Variants in TMEM132D observed in about 807,000 individuals in gnomAD.
TMEM132D encodes the protein mature OL transmembrane protein.
TMEM132D carries 21 observed loss-of-function variants against 62.3 expected under a neutral mutation model. The ratio of observed to expected loss-of-function variants is 0.34; its 90% CI spans 0.24 to 0.49. The LOEUF (loss-of-function observed/expected upper bound fraction) is 0.49, where lower values mean the gene tolerates loss of function less well. TMEM132D is among the 20% of genes least tolerant of loss of function. The probability of loss-of-function intolerance (pLI) is 0.99; values close to 1 mark genes in which losing one functional copy is unlikely to be tolerated. For missense variants in TMEM132D, 1,346 were observed against 1,402.8 expected (o/e 0.96, Z 0.65); for synonymous variants, 621 against 575.6 (o/e 1.08, Z -1.13).
intron 4 of TMEM132D, among the ~76,000 whole-genome samples, chr12:129,271,735 T>C (rs759126649): frequency 1.3e-5 from 2 of 151,952 alleles, no homozygotes; most frequent in Non-Finnish European, 2.9e-5. Context: ...GCAAAGGACA[T>C]GAACTCATCC....
At chr12:129,370,388 G>A (rs948011742) in intron 3 of TMEM132D, among the ~76,000 whole-genome samples, 1 of 152,186 alleles carries the variant, frequency 6.6e-6, no homozygotes, top group Non-Finnish European at 1.5e-5. Flanking sequence ...GTGAATGAAT[G>A]AATTGCTCCT....
At chr12:129,896,140 TTTTTGTTTTG>T (rs141229938) in intron 1 of TMEM132D, among the ~76,000 whole-genome samples, 1 of 150,516 alleles carries the variant, frequency 6.6e-6, no homozygotes, top group African/African-American at 2.5e-5. Context: ...TGGCTCATTT[TTTTTGTTTTG>T]TTTTGTTTTG....
chr12:129,450,750 CTTTTTTTT>C (rs869041495), intron 3 of TMEM132D, among the ~76,000 whole-genome samples: 12 of 102,584 alleles, frequency 1.2e-4, no homozygotes, highest in East Asian at 3.3e-4. Context: ...TCCATCGCTT[CTTTTTTTT>C]TTTTTTTTTT....
chr12:129,655,738 G>T (rs1317708795), intron 2 of TMEM132D, among the ~76,000 whole-genome samples: 1 of 152,076 alleles, frequency 6.6e-6, no homozygotes, highest in African/African-American at 2.4e-5. Flanking sequence ...CTGCAAATGA[G>T]CTGCTATCTG....
intron 2 of TMEM132D, among the ~76,000 whole-genome samples, chr12:129,579,833 A>G (rs1877792454): frequency 2.0e-5 from 3 of 152,200 alleles, no homozygotes; most frequent in Admixed American, 2.0e-4. Flanking sequence ...ATTCAATTCA[A>G]TCAAGTTGAC....
chr12:129,090,894 T>C (rs961455495), intron 5 of TMEM132D, among the ~76,000 whole-genome samples: 2 of 152,054 alleles, frequency 1.3e-5, no homozygotes, highest in Non-Finnish European at 2.9e-5. Context: ...GGCCCCAGAG[T>C]TGACCAGCTT....
chr12:129,571,957 A>G (rs1359770416), intron 2 of TMEM132D, among the ~76,000 whole-genome samples: 1 of 152,196 alleles, frequency 6.6e-6, no homozygotes, highest in Non-Finnish European at 1.5e-5. Context: ...GATAAAGCTC[A>G]GTTGCTACAC....
intron 1 of TMEM132D, among the ~76,000 whole-genome samples, chr12:129,899,406 CATGGATGG>C (rs373344068): frequency 1.6e-4 from 16 of 102,650 alleles, no homozygotes; most frequent in East Asian, 5.7e-4. Flanking sequence ...TGGATGGATG[CATGGATGG>C]ATGGATGGAT....
chr12:129,760,651 T>C (rs930550792), intron 1 of TMEM132D, among the ~76,000 whole-genome samples: 2 of 151,304 alleles, frequency 1.3e-5, no homozygotes, highest in African/African-American at 4.8e-5. Context: ...CCGGACTTTT[T>C]TTTTTTTTCT....
chr12:129,423,667 A>G (rs972681485), intron 3 of TMEM132D, among the ~76,000 whole-genome samples: 1 of 152,208 alleles, frequency 6.6e-6, no homozygotes, highest in Non-Finnish European at 1.5e-5. Flanking sequence ...GCTTGTACTC[A>G]TGAGTAGAAG....
intron 1 of TMEM132D, among the ~76,000 whole-genome samples, chr12:129,799,169 G>A (rs1871663365): frequency 6.6e-6 from 1 of 152,080 alleles, no homozygotes; most frequent in Admixed American, 6.6e-5. Context: ...GGAGGCTGAG[G>A]CAGGAGAATC....
intron 3 of TMEM132D, among the ~76,000 whole-genome samples, chr12:129,456,183 A>C (rs536537608): frequency 6.6e-6 from 1 of 152,284 alleles, no homozygotes; most frequent in East Asian, 1.9e-4. Flanking sequence ...TACTCTCCCC[A>C]CTAATGCCAT....
At chr12:129,659,872 C>T (rs1210055711) in intron 2 of TMEM132D, among the ~76,000 whole-genome samples, 1 of 152,168 alleles carries the variant, frequency 6.6e-6, no homozygotes, top group African/African-American at 2.4e-5. Context: ...TTGTTCCTAT[C>T]CCTAGGTCCA....
chr12:129,482,945 CTGTG>C (rs59346043), intron 3 of TMEM132D, among the ~76,000 whole-genome samples: 48,441 of 143,774 alleles, frequency 0.34, 8,352 homozygotes, highest in Non-Finnish European at 0.4. Context: ...CATATTTAAT[CTGTG>C]TGTGTGTGTG....
chr12:129,510,225 T>A (rs747310275), intron 3 of TMEM132D, among the ~76,000 whole-genome samples: 3 of 152,212 alleles, frequency 2.0e-5, no homozygotes, highest in African/African-American at 4.8e-5. Context: ...TGATCAATGA[T>A]GTTGAGCACG....
chr12:129,597,028 A>G (rs996409011), intron 2 of TMEM132D, among the ~76,000 whole-genome samples: 1 of 152,210 alleles, frequency 6.6e-6, no homozygotes, highest in African/African-American at 2.4e-5. Flanking sequence ...TGTGAATACA[A>G]TATTTTGGTT....
chr12:129,274,606 G>T (rs1434520516), intron 4 of TMEM132D, among the ~76,000 whole-genome samples: 1 of 152,138 alleles, frequency 6.6e-6, no homozygotes, highest in Admixed American at 6.5e-5. Context: ...CAATTATTTG[G>T]CCGGGTGCAG....
chr12:129,639,255 T>G (rs1879580417), intron 2 of TMEM132D, among the ~76,000 whole-genome samples: 1 of 151,328 alleles, frequency 6.6e-6, no homozygotes, highest in Non-Finnish European at 1.5e-5. Context: ...TGGTGGTGGG[T>G]GCCTGTAATC....
intron 5 of TMEM132D, among the ~76,000 whole-genome samples, chr12:129,168,471 C>T (rs1011713170): frequency 1.3e-5 from 2 of 152,072 alleles, no homozygotes; most frequent in African/African-American, 4.8e-5. Flanking sequence ...ATTTACTTTC[C>T]GCTCTATGGA....
Sources: gnomAD v4.1 joint callset for allele counts (sites outside exome capture counted in the v4.1 genomes callset) on GRCh38, gnomAD v4.1.1 for gene constraint, MANE v1.5 for transcripts, NCBI Gene and HGNC (gene_info 2026-07-23, HGNC 2026-07-21) for gene names.